OR8G1: variants seen among roughly 807,000 people sequenced by gnomAD.
The protein encoded by OR8G1 is olfactory receptor 8G1.
For missense variants in OR8G1, 372 were observed against 356.2 expected (o/e 1.04, Z -0.36); for synonymous variants, 129 against 133.3 (o/e 0.97, Z 0.22).
At chr11:124,244,258 G>C (rs902719079) in intron 1 of OR8G1, among the ~76,000 whole-genome samples, 3 of 151,870 alleles carry the variant, frequency 2.0e-5, no homozygotes, top group Admixed American at 6.6e-5. Context: ...CTAGGGAACA[G>C]GACTAAGCAC....
chr11:124,249,403 T>TA lies in OR8G1; in HGVS notation c.-16-253dup, dbSNP rs556309905. ...GAGTCTAAACTTAGAAATATTGGCT[T>TA]AAAATCACTGAAATATTTAAAAGAA... On this transcript the variant is annotated intron_variant, in intron 2 of 2. Transcript: ENST00000641972. Among the ~76,000 whole-genome samples the TA allele has an allele frequency of 4.1e-3, 550 of 133,170 alleles. 3 individuals carry two copies. Among genetic ancestry groups the TA allele is most frequent in the Non-Finnish European group, 6.8e-3 (428 of 63,092 alleles). 87.4% of individuals were successfully genotyped at this position (133,170 alleles called of 152,430 possible).
intron 1 of OR8G1, among the ~76,000 whole-genome samples, chr11:124,247,180 TA>T (rs1030440685): frequency 8.6e-5 from 13 of 151,622 alleles, no homozygotes; most frequent in African/African-American, 3.1e-4. Flanking sequence ...TAGAAACAAC[TA>T]AAGTAGAAAT....
In OR8G1 at chr11:124,249,738, A is replaced by G; in HGVS notation, c.63A>G (p.Pro21=). The change falls in exon 3 of 3, where the codon CCA becomes CCG. Residue 21 remains proline, a synonymous_variant. Coordinates refer to ENST00000641972, the MANE Select transcript of OR8G1 (RefSeq NM_001002905.2). The stretch of plus-strand genomic sequence containing the variant: ...TTCTGGCTGGGCTCTCAGAACAGCC[A>G]GAGCTCCAGCTGCCCCTCTTCCTCC... ...EFILAGLSEQ[P]ELQLPLFLLF... 3.7e-6 allele frequency: 6 copies of G among 1,613,694 alleles called. No homozygotes were observed. The highest frequency in any genetic ancestry group is 5.1e-6 in the Non-Finnish European group (6 of 1,179,750).
chr11:124,242,777 TAAAG>T (rs1038452005), intron 1 of OR8G1, among the ~76,000 whole-genome samples: 15 of 152,096 alleles, frequency 9.9e-5, no homozygotes, highest in African/African-American at 2.9e-4. Flanking sequence ...ATGTTGTACA[TAAAG>T]AATTAATCAT....
At chr11:124,245,329 A>G (rs1299111784) in intron 1 of OR8G1, among the ~76,000 whole-genome samples, 9 of 149,336 alleles carry the variant, frequency 6.0e-5, no homozygotes, top group Non-Finnish European at 1.2e-4. Context: ...CCATGTCCCT[A>G]CAAAGGATAT....
At chr11:124,242,678 TTA>T (rs1196171258) in intron 1 of OR8G1, among the ~76,000 whole-genome samples, 1 of 152,186 alleles carries the variant, frequency 6.6e-6, no homozygotes, top group South Asian at 2.1e-4. Context: ...TCCCCTTGCT[TTA>T]TCCATCATCC....
chr11:124,246,582 A>G (rs1466674363), intron 1 of OR8G1, among the ~76,000 whole-genome samples: 4 of 151,868 alleles, frequency 2.6e-5, no homozygotes, highest in Admixed American at 6.6e-5. Context: ...AGACATTGAC[A>G]TACCTCACTA....
intron 1 of OR8G1, among the ~76,000 whole-genome samples, chr11:124,244,986 T>G (rs1437772628): frequency 6.9e-6 from 1 of 144,448 alleles, no homozygotes; most frequent in Admixed American, 6.9e-5. Flanking sequence ...TAGGAAAACT[T>G]CTTAACCTTA....
intron 2 of OR8G1, among the ~76,000 whole-genome samples, chr11:124,248,166 A>T (rs893432333): frequency 6.6e-6 from 1 of 151,958 alleles, no homozygotes; most frequent in African/African-American, 2.4e-5. Flanking sequence ...TATTTTTGTA[A>T]GGAATTTGTT....
Position 124,252,386 on chromosome 11 carries a change from T to A in OR8G1, c.*1775T>A, listed in dbSNP as rs746454444. The A allele has an allele frequency of 3.9e-5, 6 of 152,150 alleles. No homozygotes were observed. Among genetic ancestry groups the A allele is most frequent in the Non-Finnish European group, 7.4e-5 (5 of 68,024 alleles). 9.4% of individuals were successfully genotyped at this position (152,150 alleles called of 1,614,324 possible). Reference sequence around the variant, plus strand: ...AGGATCCGACTTAGAAAAAAATATATTTCTAAAAGCTAAGGGGACTTAAAG... The same window carrying A: ...AGGATCCGACTTAGAAAAAAATATAATTCTAAAAGCTAAGGGGACTTAAAG... On this transcript the variant is annotated 3_prime_UTR_variant, in exon 3 of 3. Coordinates refer to ENST00000641972, the MANE Select transcript of OR8G1 (RefSeq NM_001002905.2).
intron 1 of OR8G1, among the ~76,000 whole-genome samples, chr11:124,242,650 A>G (rs1185644339): frequency 5.9e-5 from 9 of 151,982 alleles, no homozygotes; most frequent in African/African-American, 1.9e-4. Context: ...TATTTTTTTT[A>G]TAAATGAAAT....
At position 124,249,547 on chromosome 11, in the gene OR8G1, C is replaced by T. The variant is rs1435265499; in HGVS notation, c.-16-113C>T. 24 of 970,748 alleles carry T rather than the reference C, an allele frequency of 2.5e-5. 1 individual carries two copies. Among genetic ancestry groups the T allele is most frequent in the African/African-American group, 3.3e-5 (2 of 60,758 alleles). 60.1% of individuals were successfully genotyped at this position (970,748 alleles called of 1,614,324 possible). On this transcript the variant is annotated intron_variant, in intron 2 of 2. Transcript: ENST00000641972. ...TATTATTTGAGGTAAACTTTACTTACTCAAAGGGGATACCTAAAGCATGAA... is the reference window on the plus strand; with the variant it reads ...TATTATTTGAGGTAAACTTTACTTATTCAAAGGGGATACCTAAAGCATGAA...
rs1861882974 is a variant in OR8G1 at position 124,253,500 on chromosome 11, T to C, written c.*2889T>C. 1 of 141,892 alleles carries C rather than the reference T, an allele frequency of 7.0e-6. No individual in the cohort carries two copies. Among genetic ancestry groups the C allele is most frequent in the South Asian group, 2.2e-4 (1 of 4,588 alleles). 8.8% of individuals were successfully genotyped at this position (141,892 alleles called of 1,614,324 possible). A position where few individuals can be genotyped will look rare whatever the true frequency, so the allele number is the denominator to read the frequency against. ...GGTCAAAAAATATTGTATATATTAT[T>C]GTGTACAAGTTATTTTGAATGTGTG... On this transcript the variant is annotated 3_prime_UTR_variant, in exon 3 of 3. Coordinates refer to ENST00000641972, the MANE Select transcript of OR8G1 (RefSeq NM_001002905.2).
In OR8G1 at chr11:124,253,477, T is replaced by G. The variant is rs979144337; in HGVS notation, c.*2866T>G. Reference sequence around the variant, plus strand: ...CAAAAACTTTGACAACTTTTAATGGTCAAAAAATATTGTATATATTATTGT... The same window carrying G: ...CAAAAACTTTGACAACTTTTAATGGGCAAAAAATATTGTATATATTATTGT... On this transcript the variant is annotated 3_prime_UTR_variant, in exon 3 of 3. Coordinates refer to ENST00000641972, the MANE Select transcript of OR8G1 (RefSeq NM_001002905.2). 3 of 151,498 alleles carry G rather than the reference T, an allele frequency of 2.0e-5. No individual in the cohort carries two copies. 9.4% of individuals were successfully genotyped at this position (151,498 alleles called of 1,614,324 possible).
At chr11:124,243,324 A>G (rs1409915632) in intron 1 of OR8G1, among the ~76,000 whole-genome samples, 2 of 151,980 alleles carry the variant, frequency 1.3e-5, no homozygotes, top group Non-Finnish European at 2.9e-5. Context: ...TTTTGTGTAC[A>G]TGTAAAGTAT....
At chr11:124,249,511 G>T (rs962906521) in intron 2 of OR8G1, 149 bp from the exon 3 acceptor site, 39 of 651,562 alleles carry the variant, frequency 6.0e-5, no homozygotes, top group Non-Finnish European at 9.0e-5. Flanking sequence ...TTGAAAATAA[G>T]ATTAAATAAA....
rs1351166308 is a variant in OR8G1 at position 124,250,325 on chromosome 11, C to G, written c.650C>G (p.Ser217Cys). Residue 217 changes from serine (S) to cysteine (C), a missense_variant, in exon 3 of 3, where the codon TCT becomes TGT. Ser to Cys is a moderately radical substitution (Grantham distance 112). Coordinates refer to ENST00000641972, the MANE Select transcript of OR8G1 (RefSeq NM_001002905.2). ...GTCCCCAGCCTGACCATCCTTTGCT[C>G]TTACATCTTTATTATTGCCAGCATC... ...ILVPSLTILCSYIFIIASILH... is the reference protein window; with the variant it reads ...ILVPSLTILCCYIFIIASILH... 1 of 1,613,646 alleles carries G rather than the reference C, an allele frequency of 6.2e-7. No individual in the cohort carries two copies. Among genetic ancestry groups the G allele is most frequent in the Non-Finnish European group, 8.5e-7 (1 of 1,179,808 alleles).
chr11:124,250,547 G>T lies in OR8G1; in HGVS notation c.872G>T (p.Ser291Ile). Residue 291 changes from serine to isoleucine, a missense_variant, in exon 3 of 3, where the codon AGC (serine) becomes ATC (isoleucine). By Grantham distance (142) the Ser-to-Ile change is moderately radical (BLOSUM62 -2). Transcript: ENST00000641972. ...CCCATGTTGAACCCTCTGATTTATAGCCTGAGGAATAAAGATGTCCATGTT... is the reference window on the plus strand; with the variant it reads ...CCCATGTTGAACCCTCTGATTTATATCCTGAGGAATAAAGATGTCCATGTT... The part of the protein sequence containing the change: ...IVPMLNPLIY[S>I]LRNKDVHVSL... 1.4e-3 allele frequency: 642 copies of T among 456,742 alleles called. No homozygotes were observed. Among genetic ancestry groups the T allele is most frequent in the Middle Eastern group, 2.1e-3 (3 of 1,404 alleles). The allele number at this position is 456,742 out of a possible 1,614,324, so 28.3% of individuals were successfully genotyped here.
At position 124,250,074 on chromosome 11, in the gene OR8G1, T is replaced by C. The variant is rs12099154; in HGVS notation, c.399T>C (p.Ser133=). The C allele has an allele frequency of 0.31, 507,943 of 1,613,514 alleles. 81,412 individuals carry two copies. Among genetic ancestry groups the C allele is most frequent in the South Asian group, 0.4 (36,382 of 91,068 alleles). The change falls in exon 3 of 3, where the codon AGT becomes AGC. Residue 133 remains serine (S), a synonymous_variant. Transcript: ENST00000641972. ...YMAICSPLLY[S]VIISNKACFS... is the part of the protein sequence containing the mutation. ...CCATCTGTAGCCCCTTGCTGTACAG[T>C]GTCATCATATCCAATAAGGCTTGCT...
Sources: allele counts gnomAD v4.1 joint callset (sites outside exome capture counted in the v4.1 genomes callset), GRCh38; gene constraint gnomAD v4.1.1; transcripts MANE v1.5; gene names NCBI Gene and HGNC (gene_info 2026-07-23, HGNC 2026-07-21).